SCMH1: variants seen among roughly 807,000 people sequenced by gnomAD.
SCMH1 encodes the protein Scm polycomb group protein homolog 1, also known as polycomb protein SCMH1.
Under a neutral mutation model 70.8 loss-of-function variants are expected in SCMH1, and 37 were observed. That is an observed-to-expected ratio of 0.52 (90% CI 0.40 to 0.69). The LOEUF (loss-of-function observed/expected upper bound fraction) is 0.69, where lower values mean the gene tolerates loss of function less well. Ranked by LOEUF, SCMH1 falls within the 30% of genes least tolerant of loss-of-function variation. The pLI, the probability that SCMH1 is intolerant of heterozygous loss-of-function variation, is 0.00. For missense variants in SCMH1, 607 were observed against 827.3 expected (o/e 0.73, Z 3.27); for synonymous variants, 292 against 307.4 (o/e 0.95, Z 0.52).
chr1:41,065,626 A>G (rs1654331154), intron 10 of SCMH1, among the ~76,000 whole-genome samples: 1 of 152,222 alleles, frequency 6.6e-6, no homozygotes, highest in Admixed American at 6.5e-5. Context: ...AGACAGATCA[A>G]TGGAACAGAA....
chr1:41,130,877 G>A (rs1674514282), intron 6 of SCMH1, among the ~76,000 whole-genome samples: 1 of 152,110 alleles, frequency 6.6e-6, no homozygotes, highest in Non-Finnish European at 1.5e-5. Flanking sequence ...CATTGTGTGA[G>A]CTGTCTTTTC....
intron 1 of SCMH1, among the ~76,000 whole-genome samples, chr1:41,220,457 A>T (rs546744050): frequency 1.5e-4 from 23 of 152,250 alleles, no homozygotes; most frequent in Non-Finnish European, 2.4e-4. Flanking sequence ...ATTCAAACAG[A>T]AAGTGATTTT....
chr1:41,030,212 CA>C (rs914831159), intron 13 of SCMH1, among the ~76,000 whole-genome samples: 2 of 151,282 alleles, frequency 1.3e-5, no homozygotes, highest in Non-Finnish European at 2.9e-5. Context: ...GACCCTGTCT[CA>C]AAAAAAACAA....
At chr1:41,160,067 C>G (rs1379895579) in intron 4 of SCMH1, 2 of 227,792 alleles carry the variant, frequency 8.8e-6, no homozygotes, top group African/African-American at 4.5e-5. Context: ...GTCTAGTGTT[C>G]TACTACTTCA....
At chr1:41,106,339 T>G (rs1314218539) in intron 8 of SCMH1, among the ~76,000 whole-genome samples, 1 of 151,166 alleles carries the variant, frequency 6.6e-6, no homozygotes, top group Admixed American at 6.6e-5. Context: ...TTCTGGTTGT[T>G]GTAAAAGTGT....
intron 1 of SCMH1, among the ~76,000 whole-genome samples, chr1:41,240,270 T>C (rs1663243629): frequency 6.6e-6 from 1 of 152,276 alleles, no homozygotes; most frequent in Non-Finnish European, 1.5e-5. Context: ...ACTGAAACTT[T>C]GCTTAGTACT....
intron 13 of SCMH1, among the ~76,000 whole-genome samples, chr1:41,030,006 G>T (rs145563515): frequency 0.01 from 1,582 of 152,242 alleles, 15 homozygotes; most frequent in Non-Finnish European, 0.016. Context: ...TTGAGCCCAG[G>T]AGTTCAAGAC....
exon 15 of SCMH1, chr1:41,027,849 G>T: frequency 4.0e-6 from 1 of 253,016 alleles, no homozygotes; most frequent in Non-Finnish European, 7.5e-6. Flanking sequence ...GCCACAGCAA[G>T]ACCAGGACAG....
intron 1 of SCMH1, among the ~76,000 whole-genome samples, chr1:41,210,149 A>G (rs971829282): frequency 1.3e-5 from 2 of 152,212 alleles, no homozygotes. Flanking sequence ...TCCAACTTAC[A>G]AGGGATGTGA....
At chr1:41,170,849 A>C (rs1276382249) in intron 2 of SCMH1, among the ~76,000 whole-genome samples, 1 of 152,196 alleles carries the variant, frequency 6.6e-6, no homozygotes, top group African/African-American at 2.4e-5. Context: ...CACACCATTA[A>C]GATTACTTCC....
chr1:41,084,042 T>A (rs1434970980), intron 8 of SCMH1, among the ~76,000 whole-genome samples: 1 of 152,110 alleles, frequency 6.6e-6, no homozygotes, highest in Non-Finnish European at 1.5e-5. Flanking sequence ...ATCCTAGGCA[T>A]TACCATTCAG....
At chr1:41,119,115 C>G (rs1453706166) in intron 6 of SCMH1, among the ~76,000 whole-genome samples, 3 of 152,156 alleles carry the variant, frequency 2.0e-5, no homozygotes, top group Non-Finnish European at 4.4e-5. Flanking sequence ...CAATCTGACT[C>G]CTGAGCCCAC....
intron 1 of SCMH1, among the ~76,000 whole-genome samples, chr1:41,220,913 A>C (rs17358066): frequency 1.1e-3 from 171 of 152,332 alleles, no homozygotes; most frequent in Non-Finnish European, 2.1e-3. Context: ...GGAAAGCAGA[A>C]ATCTTAGAGA....
At chr1:41,028,513 T>A in intron 14 of SCMH1, 71 bp downstream of exon 15, 3 of 1,586,648 alleles carry the variant, frequency 1.9e-6, no homozygotes, top group Non-Finnish European at 2.6e-6. Flanking sequence ...TCCCCAAACA[T>A]CTCGTATTGT....
Position 41,151,035 on chromosome 1 carries a change from T to C in SCMH1, c.177+579A>G, listed in dbSNP as rs547227104. On this transcript the variant is annotated intron_variant, in intron 5 of 14. Coordinates refer to ENST00000337495, the Ensembl canonical transcript of SCMH1. Reference sequence around the variant, plus strand: ...AACCCTTGAGTACTAAAGGAAAGGATTGTAGGTAACTTCCTGACGTTTAAC... The same window carrying C: ...AACCCTTGAGTACTAAAGGAAAGGACTGTAGGTAACTTCCTGACGTTTAAC... Among the ~76,000 whole-genome samples the C allele has an allele frequency of 6.6e-5, 10 of 152,110 alleles. No homozygotes were observed. The South Asian group carries it at 1.0e-3, about 16-fold the overall frequency.
At chr1:41,117,093 G>A (rs766871031) in intron 6 of SCMH1, 83 bp from the exon 7 acceptor site, 15 of 1,176,028 alleles carry the variant, frequency 1.3e-5, no homozygotes, top group African/African-American at 7.6e-5. Flanking sequence ...CCCAGGTGCC[G>A]AGGCAAGAGA....
Position 41,177,177 on chromosome 1 carries a change from G to A in SCMH1, c.13+8944C>T, listed in dbSNP as rs532647510. Reference sequence around the variant, plus strand: ...AACTCCGATAGACCTGCAGCTGAGGGTCCTGACTGTTAGAAGGAAAACTAA... The same window carrying A: ...AACTCCGATAGACCTGCAGCTGAGGATCCTGACTGTTAGAAGGAAAACTAA... On this transcript the variant is annotated intron_variant, in intron 2 of 14. Coordinates refer to ENST00000337495, the Ensembl canonical transcript of SCMH1. Among the ~76,000 whole-genome samples the A allele has an allele frequency of 2.6e-5, 4 of 152,338 alleles. No individual in the cohort carries two copies. The South Asian group carries it at 8.3e-4, about 32-fold the overall frequency.
intron 4 of SCMH1, among the ~76,000 whole-genome samples, chr1:41,152,132 G>A (rs902776320): frequency 1.3e-5 from 2 of 152,138 alleles, no homozygotes; most frequent in Admixed American, 6.5e-5. Context: ...CTCAGCTCAG[G>A]AAGAATGAAG....
intron 2 of SCMH1, among the ~76,000 whole-genome samples, chr1:41,164,669 C>A (rs528814286): frequency 6.6e-6 from 1 of 152,122 alleles, no homozygotes; most frequent in Non-Finnish European, 1.5e-5. Flanking sequence ...AAAGCCAACC[C>A]TCCATTTTAG....
Sources: allele counts gnomAD v4.1 joint callset (sites outside exome capture counted in the v4.1 genomes callset), GRCh38; gene constraint gnomAD v4.1.1; transcripts MANE v1.5; gene names NCBI Gene and HGNC (gene_info 2026-07-23, HGNC 2026-07-21).